Variants in PSME4 observed in about 807,000 individuals in gnomAD.
The protein encoded by PSME4 is proteasome activator complex subunit 4.
In PSME4, 89 loss-of-function variants were observed where a neutral mutation model predicts 253.9. The ratio of observed to expected loss-of-function variants is 0.35; its 90% CI spans 0.30 to 0.42. The LOEUF (loss-of-function observed/expected upper bound fraction) is 0.42, where lower values mean the gene tolerates loss of function less well. Ranked by LOEUF, PSME4 falls within the 10% of genes least tolerant of loss-of-function variation. The probability of loss-of-function intolerance (pLI) is 1.00; values close to 1 mark genes in which losing one functional copy is unlikely to be tolerated. For synonymous variants in PSME4, 851 were observed against 759.2 expected (o/e 1.12, Z -1.99); for missense variants, 2,014 against 2,195.2 (o/e 0.92, Z 1.65).
chr2:53,877,359 G>A (rs1297252240), intron 41 of PSME4, among the ~76,000 whole-genome samples: 1 of 151,612 alleles, frequency 6.6e-6, no homozygotes, highest in Non-Finnish European at 1.5e-5. Flanking sequence ...GTTACAGTGA[G>A]CTATGATCAC....
chr2:53,924,839 A>T (rs1438480548), intron 14 of PSME4, among the ~76,000 whole-genome samples: 1 of 152,202 alleles, frequency 6.6e-6, no homozygotes. Context: ...TGAACTAGCA[A>T]ATACTGAACC....
chr2:53,905,172 G>A (rs1415712607), intron 26 of PSME4, among the ~76,000 whole-genome samples: 1 of 151,118 alleles, frequency 6.6e-6, no homozygotes, highest in Admixed American at 6.6e-5. Context: ...TGGGACTATA[G>A]GCGCATGCCA....
At position 53,949,187 on chromosome 2, in the gene PSME4, G is replaced by A. The variant is rs1195706431; in HGVS notation, c.339C>T (p.Ile113=). 1.9e-6 allele frequency: 3 copies of A among 1,610,970 alleles called. No homozygotes were observed. In the East Asian group the frequency reaches 6.7e-5, roughly 36 times the overall value. ...GGCGGGCAAATCCCTGCATCATGCTGATTTCCAGTTTTGGAATTGATACCA... is the reference window on the plus strand; with the variant it reads ...GGCGGGCAAATCCCTGCATCATGCTAATTTCCAGTTTTGGAATTGATACCA... ...YELVSIPKLE[I]SMMQGFARLL... Residue 113 remains isoleucine, a synonymous_variant, in exon 2 of 47, where the codon ATC becomes ATT. Transcript: ENST00000404125.
chr2:53,915,566 T>A (rs921772810), intron 20 of PSME4, among the ~76,000 whole-genome samples: 3 of 152,032 alleles, frequency 2.0e-5, no homozygotes, highest in Non-Finnish European at 4.4e-5. Flanking sequence ...CTCTCTATAT[T>A]TTTTTTAAAG....
chr2:53,888,708 T>TA lies in PSME4; in HGVS notation c.4388+12dup, dbSNP rs765992389. 18 of 1,582,754 alleles carry TA rather than the reference T, an allele frequency of 1.1e-5. No individual in the cohort carries two copies. The highest frequency in any genetic ancestry group is 4.0e-5 in the African/African-American group (3 of 74,240). ...TTTCGTGTTAACCTCATAGGTTTTTTAAAAAAATTTACCATGCATCTACAA... is the reference window on the plus strand; with the variant it reads ...TTTCGTGTTAACCTCATAGGTTTTTTAAAAAAAATTTACCATGCATCTACAA... On this transcript the variant is annotated intron_variant, in intron 38 of 46. Coordinates refer to ENST00000404125, the MANE Select transcript of PSME4 (RefSeq NM_014614.3).
intron 2 of PSME4, 128 bp downstream of exon 2, chr2:53,949,015 T>G: frequency 8.0e-7 from 1 of 1,249,524 alleles, no homozygotes; most frequent in East Asian, 2.5e-5. Flanking sequence ...AAGATAATGT[T>G]TTTTGCAATC....
At chr2:53,867,745 G>A (rs1470097315) in intron 44 of PSME4, among the ~76,000 whole-genome samples, 3 of 150,092 alleles carry the variant, frequency 2.0e-5, no homozygotes, top group African/African-American at 7.3e-5. Flanking sequence ...TTGTACCTAG[G>A]CCAGTACAAT....
intron 26 of PSME4, among the ~76,000 whole-genome samples, chr2:53,905,183 C>A (rs943932788): frequency 3.3e-5 from 5 of 151,230 alleles, no homozygotes; most frequent in African/African-American, 1.2e-4. Context: ...GCGCATGCCA[C>A]CACGCCTGGC....
chr2:53,942,217 C>G (rs184755326), intron 3 of PSME4: 47 of 152,536 alleles, frequency 3.1e-4, no homozygotes, highest in Non-Finnish European at 8.8e-5. Context: ...ATGAAGGGAA[C>G]AATGTTTCTG....
At chr2:53,922,077 CAGG>C (rs1668351697) in intron 17 of PSME4, among the ~76,000 whole-genome samples, 1 of 151,742 alleles carries the variant, frequency 6.6e-6, no homozygotes, top group African/African-American at 2.4e-5. Flanking sequence ...GAGGCTGAGG[CAGG>C]AGAATGGCGT....
chr2:53,951,086 C>T (rs1456968854), intron 1 of PSME4, among the ~76,000 whole-genome samples: 1 of 151,816 alleles, frequency 6.6e-6, no homozygotes, highest in African/African-American at 2.4e-5. Flanking sequence ...CATTTAACTT[C>T]TTTTTTTTCC....
At chr2:53,945,088 A>T (rs1390339559) in intron 3 of PSME4, among the ~76,000 whole-genome samples, 1 of 152,214 alleles carries the variant, frequency 6.6e-6, no homozygotes, top group African/African-American at 2.4e-5. Context: ...AATTAGTGGT[A>T]ATACTAAATA....
chr2:53,929,309 C>G (rs922720593), intron 10 of PSME4, among the ~76,000 whole-genome samples: 2 of 152,098 alleles, frequency 1.3e-5, no homozygotes, highest in African/African-American at 4.8e-5. Context: ...ACCCCCAACC[C>G]TGGAGTCAGG....
chr2:53,935,040 C>T (rs962771104), intron 7 of PSME4, among the ~76,000 whole-genome samples: 13 of 152,136 alleles, frequency 8.5e-5, no homozygotes, highest in Admixed American at 3.3e-4. Context: ...TGTGGCTAAA[C>T]ATGAAATATT....
intron 1 of PSME4, among the ~76,000 whole-genome samples, chr2:53,967,093 T>C (rs1461610910): frequency 1.3e-5 from 2 of 152,198 alleles, no homozygotes; most frequent in African/African-American, 4.8e-5. Flanking sequence ...TCTGCCATTG[T>C]CCAAAGACCA....
At chr2:53,925,739 C>CG in intron 13 of PSME4, 50 bp from the exon 14 acceptor site, 3 of 1,554,004 alleles carry the variant, frequency 1.9e-6, no homozygotes, top group Non-Finnish European at 2.6e-6. Context: ...TCTGGTTTGA[C>CG]ATTTTTGGTG....
chr2:53,880,790 C>G (rs1182227984), intron 41 of PSME4, among the ~76,000 whole-genome samples: 2 of 152,174 alleles, frequency 1.3e-5, no homozygotes, highest in Non-Finnish European at 2.9e-5. Flanking sequence ...GGTAAATACT[C>G]AACAGTTCAA....
chr2:53,960,471 G>A (rs1418035163), intron 1 of PSME4, among the ~76,000 whole-genome samples: 1 of 151,536 alleles, frequency 6.6e-6, no homozygotes, highest in Admixed American at 6.6e-5. Flanking sequence ...TATTTCGGTG[G>A]CAAGGAGAAA....
intron 27 of PSME4, among the ~76,000 whole-genome samples, chr2:53,902,602 G>A (rs1482474702): frequency 2.0e-5 from 3 of 152,024 alleles, no homozygotes; most frequent in Non-Finnish European, 4.4e-5. Context: ...CATTTAAACT[G>A]CTCTCATTAA....
Sources: gnomAD v4.1 joint callset for allele counts (sites outside exome capture counted in the v4.1 genomes callset) on GRCh38, gnomAD v4.1.1 for gene constraint, MANE v1.5 for transcripts, NCBI Gene and HGNC (gene_info 2026-07-23, HGNC 2026-07-21) for gene names.